The following C15orf39 variants were observed in gnomAD, a reference collection of about 807,000 sequenced individuals.
The protein encoded by C15orf39 is uncharacterized protein C15orf39.
Under a neutral mutation model 53.9 loss-of-function variants are expected in C15orf39, and 24 were observed. That is an observed-to-expected ratio of 0.45 (90% CI 0.32 to 0.63). C15orf39 has a LOEUF of 0.63. Ranked by LOEUF, C15orf39 falls within the 20% of genes least tolerant of loss-of-function variation. The pLI, the probability that C15orf39 is intolerant of heterozygous loss-of-function variation, is 0.04. For missense variants in C15orf39, 1,271 were observed against 1,347.9 expected (o/e 0.94, Z 0.89); for synonymous variants, 569 against 576.5 (o/e 0.99, Z 0.19).
chr15:75,211,870 C>G lies in C15orf39; in HGVS notation c.*754C>G, dbSNP rs751284861. ...CAGTGCTTCCCTGAACTGCCTCCCCCACCCCTGGCATTATCCCAGGAAACT... is the reference window on the plus strand; with the variant it reads ...CAGTGCTTCCCTGAACTGCCTCCCCGACCCCTGGCATTATCCCAGGAAACT... On this transcript the variant is annotated 3_prime_UTR_variant, in exon 3 of 3. Transcript: ENST00000394987. 2 of 152,292 alleles carry G rather than the reference C, an allele frequency of 1.3e-5. No individual in the cohort carries two copies. 9.4% of individuals were successfully genotyped at this position (152,292 alleles called of 1,614,324 possible). A position where few individuals can be genotyped will look rare whatever the true frequency, so the allele number is the denominator to read the frequency against.
chr15:75,206,176 A>C lies in C15orf39; in HGVS notation c.128A>C (p.Tyr43Ser), dbSNP rs769529091. The C allele has an allele frequency of 6.2e-7, 1 of 1,614,012 alleles. No homozygotes were observed. The highest frequency in any genetic ancestry group is 8.5e-7 in the Non-Finnish European group (1 of 1,179,954). The change falls in exon 2 of 3, where the codon TAC becomes TCC. Residue 43 changes from tyrosine to serine, a missense_variant. Tyr to Ser is a moderately radical substitution (Grantham distance 144). Transcript: ENST00000394987. ...GTTGGTAACCAGGATCCCTGCACCT[A>C]CAAGGGGTCCTACTTCTCCTGCCCC... is the stretch of plus-strand genomic sequence containing the variant. ...HSVGNQDPCT[Y>S]KGSYFSCPMA... is the part of the protein sequence containing the mutation.
At chr15:75,209,871 G>GGGCT (rs1281416525) in intron 2 of C15orf39, among the ~76,000 whole-genome samples, 2 of 152,182 alleles carry the variant, frequency 1.3e-5, no homozygotes, top group Non-Finnish European at 2.9e-5. Context: ...ATGAGCTTAG[G>GGGCT]GGCTGGCTGA....
rs781736618 is a variant in C15orf39, at chr15:75,208,039, C to T, written c.1991C>T (p.Ala664Val). The change falls in exon 2 of 3, where the codon GCA becomes GTA. Residue 664 changes from alanine to valine, a missense_variant. By Grantham distance (64) the Ala-to-Val change is moderately conservative (BLOSUM62 0). This residue lies in a region of C15orf39 where 994 missense variants were observed against 993.7 expected (regional missense o/e 1.00). Coordinates refer to ENST00000394987, the MANE Select transcript of C15orf39 (RefSeq NM_015492.5). ...ATCCTCCGTCCGGCACCTTTGCCTG[C>T]AGCCGTGGTCCCGTCCACGCCCACC... ...FKILRPAPLPAAVVPSTPTSA... is the reference protein window; with the variant it reads ...FKILRPAPLPVAVVPSTPTSA... The T allele has an allele frequency of 2.5e-6, 4 of 1,614,082 alleles. No individual in the cohort carries two copies. Among genetic ancestry groups the T allele is most frequent in the Non-Finnish European group, 3.4e-6 (4 of 1,180,028 alleles).
In C15orf39 at chr15:75,211,431, GA is replaced by G. The variant is rs998875964; in HGVS notation, c.*316del. On this transcript the variant is annotated 3_prime_UTR_variant, in exon 3 of 3. Transcript: ENST00000394987. The stretch of plus-strand genomic sequence containing the variant: ...CTGGGCAAGAAACTTCACCTCTGCT[GA>G]GCCCTCATTCCCCATGTGTAAAATG... 1.4e-4 allele frequency: 46 copies of G among 322,588 alleles called. No individual in the cohort carries two copies. Among genetic ancestry groups the G allele is most frequent in the African/African-American group, 8.3e-4 (39 of 47,052 alleles). The allele number at this position is 322,588 out of a possible 1,614,324, so 20.0% of individuals were successfully genotyped here.
intron 1 of C15orf39, among the ~76,000 whole-genome samples, chr15:75,205,413 G>A (rs1298743576): frequency 2.6e-5 from 4 of 152,322 alleles, no homozygotes; most frequent in Non-Finnish European, 4.4e-5. Context: ...AGAAGGAGGG[G>A]ATCTTGGGAG....
rs772007617 is a variant in C15orf39 at position 75,206,284 on chromosome 15, G to T, written c.236G>T (p.Gly79Val). The change falls in exon 2 of 3, where the codon GGA (glycine) becomes GTA (valine). Residue 79 changes from glycine (G) to valine (V), a missense_variant. By Grantham distance (109) the Gly-to-Val change is moderately radical (BLOSUM62 -3). Around this residue, in one of 2 missense-constraint regions of C15orf39, gnomAD observed 994 missense variants for 993.7 expected, o/e 1.00. Transcript: ENST00000394987. ...CCCTTGTACTCTACCGGTATGGCAG[G>T]ACCCCCACTTCAGGCAGACAACCTG... ...YPPLYSTGMA[G>V]PPLQADNLLT... The T allele has an allele frequency of 6.2e-7, 1 of 1,614,060 alleles. No individual in the cohort carries two copies. The highest frequency in any genetic ancestry group is 1.1e-5 in the South Asian group (1 of 91,074).
Position 75,207,341 on chromosome 15 carries a change from G to T in C15orf39, c.1293G>T (p.Arg431Ser). The change falls in exon 2 of 3, where the codon AGG (arginine) becomes AGT (serine). Residue 431 changes from arginine to serine, a missense_variant. Physicochemically the swap from Arg to Ser is moderately radical, Grantham distance 110. This residue lies in a region of C15orf39 where 994 missense variants were observed against 993.7 expected (regional missense o/e 1.00). Coordinates refer to ENST00000394987, the MANE Select transcript of C15orf39 (RefSeq NM_015492.5). The stretch of plus-strand genomic sequence containing the variant: ...GCCAGCCCTGCTCAGAGCCTGTGAG[G>T]CCTGCACAGGAAGCCGAAGAGAAGA... ...PASQPCSEPV[R>S]PAQEAEEKTW... 1 of 1,613,346 alleles carries T rather than the reference G, an allele frequency of 6.2e-7. No individual in the cohort carries two copies. The highest frequency in any genetic ancestry group is 8.5e-7 in the Non-Finnish European group (1 of 1,180,048).
chr15:75,203,157 T>A (rs1178148041), intron 1 of C15orf39, among the ~76,000 whole-genome samples: 4 of 152,222 alleles, frequency 2.6e-5, no homozygotes, highest in Non-Finnish European at 5.9e-5. Flanking sequence ...GGAATCGCGC[T>A]CTTCTTCCTG....
Position 75,208,551 on chromosome 15 carries a change from CA to C in C15orf39, c.2504del (p.His835LeufsTer15), listed in dbSNP as rs2070459842. On this transcript the variant is annotated frameshift_variant, in exon 2 of 3. Coordinates refer to ENST00000394987, the MANE Select transcript of C15orf39 (RefSeq NM_015492.5). LOFTEE classifies it high-confidence loss of function. ...FDRTHRCPFP[H>X]VVRAGAIFVP... ...TCGCACCCACCGGTGCCCCTTCCCCCATGTGGTGCGAGCTGGCGCCATCTTC... is the reference window on the plus strand; with the variant it reads ...TCGCACCCACCGGTGCCCCTTCCCCCTGTGGTGCGAGCTGGCGCCATCTTC... 13 of 1,574,212 alleles carry C rather than the reference CA, an allele frequency of 8.3e-6. No individual in the cohort carries two copies. The highest frequency in any genetic ancestry group is 6.0e-6 in the Non-Finnish European group (7 of 1,160,880).
chr15:75,205,999 G>C lies in C15orf39; in HGVS notation c.-50G>C. On this transcript the variant is annotated splice_region_variant and 5_prime_UTR_variant, in exon 2 of 3. Transcript: ENST00000394987. ...CCCTGCCTTTCTCTCTCTATCCCAG[G>C]TCAGAAGTTGAGTAGCAGGGGCCTA... 1 of 1,484,546 alleles carries C rather than the reference G, an allele frequency of 6.7e-7. No homozygotes were observed. Among genetic ancestry groups the C allele is most frequent in the Non-Finnish European group, 9.0e-7 (1 of 1,116,624 alleles). 92.0% of individuals were successfully genotyped at this position (1,484,546 alleles called of 1,614,324 possible).
chr15:75,206,800 C>A lies in C15orf39; in HGVS notation c.752C>A (p.Thr251Asn), dbSNP rs2070441998. The change falls in exon 2 of 3, where the codon ACC becomes AAC. Residue 251 changes from threonine to asparagine, a missense_variant. This residue lies in a region of C15orf39 where 994 missense variants were observed against 993.7 expected (regional missense o/e 1.00). Transcript: ENST00000394987. The stretch of plus-strand genomic sequence containing the variant: ...TCTGAGGGGCCCTCAAGTCCTTGGA[C>A]CCAGCTGGCCCAGCCCCTGGGGCCA... ...AMSEGPSSPW[T>N]QLAQPLGPPC... 3.7e-6 allele frequency: 6 copies of A among 1,607,496 alleles called. No homozygotes were observed. The highest frequency in any genetic ancestry group is 2.2e-5 in the East Asian group (1 of 44,874).
chr15:75,208,145 G>A lies in C15orf39; in HGVS notation c.2097G>A (p.Leu699=), dbSNP rs1307720867. The A allele has an allele frequency of 3.7e-6, 6 of 1,613,850 alleles. No individual in the cohort carries two copies. The African/African-American group carries it at 6.7e-5, about 18-fold the overall frequency. ...TGCGGATTCTCGCTCAACAGCCCTTGTCTGTGACCTGCTTCAGCCTGGCAC... is the reference window on the plus strand; with the variant it reads ...TGCGGATTCTCGCTCAACAGCCCTTATCTGTGACCTGCTTCAGCCTGGCAC... The part of the protein sequence containing the change: ...IGLRILAQQP[L]SVTCFSLALP... The change falls in exon 2 of 3, where the codon TTG becomes TTA. Residue 699 remains leucine, a synonymous_variant. Coordinates refer to ENST00000394987, the MANE Select transcript of C15orf39 (RefSeq NM_015492.5).
In C15orf39 at chr15:75,208,746, C is replaced by T; in HGVS notation, c.2698C>T (p.Leu900=). 1 of 1,607,500 alleles carries T rather than the reference C, an allele frequency of 6.2e-7. No individual in the cohort carries two copies. The highest frequency in any genetic ancestry group is 8.5e-7 in the Non-Finnish European group (1 of 1,179,808). Residue 900 remains leucine (L), a synonymous_variant, in exon 2 of 3, where the codon CTG becomes TTG. Coordinates refer to ENST00000394987, the MANE Select transcript of C15orf39 (RefSeq NM_015492.5). Reference sequence around the variant, plus strand: ...CTGCACCTCACGCATGCTGAAGTTACTGGCGCTGCGCCAGCTGCCGGACAT... The same window carrying T: ...CTGCACCTCACGCATGCTGAAGTTATTGGCGCTGCGCCAGCTGCCGGACAT... ...PGCTSRMLKL[L]ALRQLPDIYP...
At chr15:75,202,778 G>T (rs998498198) in intron 1 of C15orf39, among the ~76,000 whole-genome samples, 4 of 152,254 alleles carry the variant, frequency 2.6e-5, no homozygotes, top group African/African-American at 9.6e-5. Flanking sequence ...GCACGTACGT[G>T]CAGGCACGGG....
rs765476522 is a variant in C15orf39 at position 75,206,384 on chromosome 15, C to T, written c.336C>T (p.Leu112=). Residue 112 remains leucine (L), a synonymous_variant, in exon 2 of 3, where the codon CTC becomes CTT. Coordinates refer to ENST00000394987, the MANE Select transcript of C15orf39 (RefSeq NM_015492.5). ...TGCAGGACTCCAGCCCTGTTGAGCTCCTGCCCTTCAGTCCCCAGGCTCACT... is the reference window on the plus strand; with the variant it reads ...TGCAGGACTCCAGCCCTGTTGAGCTTCTGCCCTTCAGTCCCCAGGCTCACT... ...EKMQDSSPVE[L]LPFSPQAHSY... is the part of the protein sequence containing the mutation. 6.2e-7 allele frequency: 1 copy of T among 1,614,050 alleles called. No individual in the cohort carries two copies. The highest frequency in any genetic ancestry group is 1.1e-5 in the South Asian group (1 of 91,080).
In C15orf39 at chr15:75,206,628, G is replaced by A; in HGVS notation, c.580G>A (p.Val194Met). Reference protein sequence around the residue: ...QTLDGTFLRGVPAEGSSKDSS... With the variant: ...QTLDGTFLRGMPAEGSSKDSS... ...TCTGGATGGCACCTTCTTGCGGGGG[G>A]TGCCAGCTGAGGGGTCCAGTAAAGA... is the stretch of plus-strand genomic sequence containing the variant. The change falls in exon 2 of 3, where the codon GTG (valine) becomes ATG (methionine). Residue 194 changes from valine (V) to methionine (M), a missense_variant. Around this residue, in one of 2 missense-constraint regions of C15orf39, gnomAD observed 994 missense variants for 993.7 expected, o/e 1.00. Coordinates refer to ENST00000394987, the MANE Select transcript of C15orf39 (RefSeq NM_015492.5). The A allele has an allele frequency of 6.2e-7, 1 of 1,613,732 alleles. No individual in the cohort carries two copies. Among genetic ancestry groups the A allele is most frequent in the South Asian group, 1.1e-5 (1 of 91,084 alleles).
In C15orf39 at chr15:75,208,537, G is replaced by A. The variant is rs367712039; in HGVS notation, c.2489G>A (p.Arg830Gln). 1.9e-5 allele frequency: 30 copies of A among 1,574,830 alleles called. 2 individuals are homozygous for A. The highest frequency in any genetic ancestry group is 1.4e-4 in the South Asian group (12 of 86,946). Residue 830 changes from arginine (R) to glutamine (Q), a missense_variant, in exon 2 of 3, where the codon CGG becomes CAG. Physicochemically the swap from Arg to Gln is conservative, Grantham distance 43. Around this residue, in one of 2 missense-constraint regions of C15orf39, gnomAD observed 277 missense variants for 354.1 expected, o/e 0.78. Coordinates refer to ENST00000394987, the MANE Select transcript of C15orf39 (RefSeq NM_015492.5). ...SQLQRFDRTH[R>Q]CPFPHVVRAG... is the part of the protein sequence containing the mutation. Reference sequence around the variant, plus strand: ...CTGCAGCGCTTCGATCGCACCCACCGGTGCCCCTTCCCCCATGTGGTGCGA... The same window carrying A: ...CTGCAGCGCTTCGATCGCACCCACCAGTGCCCCTTCCCCCATGTGGTGCGA...
At chr15:75,203,022 C>G (rs2141595030) in intron 1 of C15orf39, among the ~76,000 whole-genome samples, 1 of 152,336 alleles carries the variant, frequency 6.6e-6, no homozygotes, top group African/African-American at 2.4e-5. Context: ...TTGGGCTGCC[C>G]CAGGTTGGGT....
At chr15:75,201,755 C>T (rs1239385442), upstream of C15orf39, 1 of 152,096 alleles carries the variant, frequency 6.6e-6, no homozygotes, top group Non-Finnish European at 1.5e-5. The surrounding 1 kb of genome is among the most constrained non-coding windows in gnomAD (Gnocchi z 4.7). Context: ...CGAGCTGGCC[C>T]CACGCGGGCC....
Sources: gnomAD v4.1 joint callset for allele counts (sites outside exome capture counted in the v4.1 genomes callset) on GRCh38, gnomAD v4.1.1 for gene constraint, gnomAD v4.1.1 regional missense constraint, Gnocchi (gnomAD v3.1) non-coding constraint, MANE v1.5 for transcripts, NCBI Gene and HGNC (gene_info 2026-07-23, HGNC 2026-07-21) for gene names.